The following ECEL1 variants were observed in gnomAD, a reference collection of about 807,000 sequenced individuals.
ECEL1 encodes endothelin-converting enzyme-like 1.
In ECEL1, 87 loss-of-function variants were observed where a neutral mutation model predicts 101.8. The ratio of observed to expected loss-of-function variants is 0.85; its 90% CI spans 0.72 to 1.02. The LOEUF (loss-of-function observed/expected upper bound fraction) is 1.02, where lower values mean the gene tolerates loss of function less well. Among genes scored for constraint, ECEL1 ranks in the 50% least tolerant of loss-of-function variants. ECEL1 has a pLI of 0.00. For synonymous variants in ECEL1, 487 were observed against 468.7 expected (o/e 1.04, Z -0.50); for missense variants, 1,032 against 1,079.2 (o/e 0.96, Z 0.61).
At chr2:232,487,421 C>G (rs1276371096) in intron 1 of ECEL1, among the ~76,000 whole-genome samples, 1 of 152,124 alleles carries the variant, frequency 6.6e-6, no homozygotes, top group Non-Finnish European at 1.5e-5. Context: ...CCACTCCCAC[C>G]ATCTCTGTCC....
At position 232,486,339 on chromosome 2, in the gene ECEL1, G is replaced by C. The variant is rs1690726917; in HGVS notation, c.315C>G (p.Phe105Leu). ...CGGCCAGGAAGCGAGCGGCGCGCGC[G>C]AAGGCCTTGCGCTCAGGGCAGCCCT... ...CPEGCPERKA[F>L]ARAARFLAAN... Residue 105 changes from phenylalanine to leucine, a missense_variant, in exon 2 of 18, where the codon TTC (phenylalanine) becomes TTG (leucine). Transcript: ENST00000304546. 2 of 1,556,506 alleles carry C rather than the reference G, an allele frequency of 1.3e-6. No individual in the cohort carries two copies. The highest frequency in any genetic ancestry group is 1.7e-6 in the Non-Finnish European group (2 of 1,159,636).
rs772857020 is a variant in ECEL1 at position 232,482,438 on chromosome 2, C to T, written c.1776G>A (p.Leu592=). The change falls in exon 12 of 18, where the codon CTG becomes CTA. Residue 592 remains leucine, a synonymous_variant. Coordinates refer to ENST00000304546, the MANE Select transcript of ECEL1 (RefSeq NM_004826.4). The part of the protein sequence containing the change: ...VFPAGILQPT[L]YDPDFPQSLN... ...CTCACTGTGGGAAGTCAGGGTCGTA[C>T]AGGGTGGGCTGCAGGATGCCCGCGG... 9.9e-6 allele frequency: 16 copies of T among 1,613,866 alleles called. No individual in the cohort carries two copies. In the East Asian group the frequency reaches 3.1e-4, roughly 31 times the overall value.
Position 232,480,383 on chromosome 2 carries a change from G to A in ECEL1, c.2228+16C>T, listed in dbSNP as rs375638841. On this transcript the variant is annotated intron_variant, in intron 17 of 17. Transcript: ENST00000304546. ...ACACAAGGAGTGGACAAGGCCAGGCGGGCAGGTGGGCATACCTGTAGTGCT... is the reference window on the plus strand; with the variant it reads ...ACACAAGGAGTGGACAAGGCCAGGCAGGCAGGTGGGCATACCTGTAGTGCT... 2.8e-4 allele frequency: 449 copies of A among 1,613,534 alleles called. No homozygotes were observed. The highest frequency in any genetic ancestry group is 3.5e-4 in the Non-Finnish European group (411 of 1,179,598).
intron 2 of ECEL1, 152 bp from the exon 3 acceptor site, chr2:232,485,419 C>T (rs988961198): frequency 5.5e-6 from 5 of 906,084 alleles, no homozygotes; most frequent in East Asian, 2.6e-5. Context: ...TCCACCCAGA[C>T]GAGATGGCCA....
intron 15 of ECEL1, 28 bp from the exon 16 acceptor site, chr2:232,480,841 T>C: frequency 6.3e-7 from 1 of 1,595,864 alleles, no homozygotes; most frequent in African/African-American, 1.3e-5. Context: ...ATGGACCTGC[T>C]ATGCCCGCCC....
chr2:232,485,856 G>A lies in ECEL1; in HGVS notation c.786+12C>T, dbSNP rs1207785154. The A allele has an allele frequency of 5.2e-6, 8 of 1,545,248 alleles. No homozygotes were observed. Among genetic ancestry groups the A allele is most frequent in the Admixed American group, 1.9e-5 (1 of 51,642 alleles). On this transcript the variant is annotated intron_variant, in intron 2 of 17. Transcript: ENST00000304546. ...CGCGGCCGCTGGCAGGGCGCTCAGG[G>A]GGCGCACTCACGCGGATGACGTAGC...
intron 9 of ECEL1, 24 bp from the exon 10 acceptor site, chr2:232,482,978 C>A: frequency 1.2e-6 from 2 of 1,613,878 alleles, no homozygotes; most frequent in Non-Finnish European, 1.7e-6. Context: ...GGGCGACACT[C>A]AGCGGCAGGC....
At chr2:232,480,973 C>A in intron 15 of ECEL1, 118 bp downstream of exon 15, 1 of 1,410,744 alleles carries the variant, frequency 7.1e-7, no homozygotes, top group South Asian at 1.3e-5. Context: ...TGCCCTGCCC[C>A]ACCCCAGGCC....
intron 13 of ECEL1, 57 bp downstream of exon 13, chr2:232,481,725 C>T (rs1353728561): frequency 2.1e-5 from 34 of 1,602,158 alleles, no homozygotes; most frequent in Non-Finnish European, 2.8e-5. Context: ...TACCCTGCCT[C>T]TCCACTGCCT....
chr2:232,483,351 T>G, intron 8 of ECEL1, 65 bp downstream of exon 8: 1 of 1,565,440 alleles, frequency 6.4e-7, no homozygotes, highest in Non-Finnish European at 8.7e-7. Context: ...TTGTTCTCTT[T>G]CGCTGGTACA....
Position 232,484,971 on chromosome 2 carries a change from G to A in ECEL1, c.966+10C>T. ...AAGCCCAGGGCAGCCTCCAGTCCTG[G>A]TCTGCTCACGTTGGCCAGCTGCTGC... On this transcript the variant is annotated intron_variant, in intron 4 of 17. Coordinates refer to ENST00000304546, the MANE Select transcript of ECEL1 (RefSeq NM_004826.4). The A allele has an allele frequency of 6.2e-7, 1 of 1,612,976 alleles. No homozygotes were observed.
intron 13 of ECEL1, 71 bp downstream of exon 13, chr2:232,481,710 TC>T: frequency 9.3e-7 from 1 of 1,076,850 alleles, no homozygotes; most frequent in Non-Finnish European, 1.3e-6. Flanking sequence ...AGTTAGGCCA[TC>T]CCCTACCCTG....
rs747305197 is a variant in ECEL1, at chr2:232,486,011, C to T, written c.643G>A (p.Gly215Ser). Residue 215 changes from glycine (G) to serine (S), a missense_variant, in exon 2 of 18, where the codon GGC (glycine) becomes AGC (serine). Physicochemically the swap from Gly to Ser is moderately conservative, Grantham distance 56. Coordinates refer to ENST00000304546, the MANE Select transcript of ECEL1 (RefSeq NM_004826.4). ...IEDCGGWDLG[G>S]AEERPGVAAR... ...GCGACCCCCGGACGCTCCTCCGCGCCGCCCAGGTCCCAGCCCCCGCAGTCC... is the reference window on the plus strand; with the variant it reads ...GCGACCCCCGGACGCTCCTCCGCGCTGCCCAGGTCCCAGCCCCCGCAGTCC... The T allele has an allele frequency of 4.4e-6, 7 of 1,608,116 alleles. No homozygotes were observed. The highest frequency in any genetic ancestry group is 1.3e-5 in the African/African-American group (1 of 74,852).
In ECEL1 at chr2:232,481,953, C is replaced by T. The variant is rs1575075749; in HGVS notation, c.1797-104G>A. 8.1e-6 allele frequency: 12 copies of T among 1,489,504 alleles called. No homozygotes were observed. In the East Asian group the frequency reaches 2.9e-4, roughly 36 times the overall value. 92.3% of individuals were successfully genotyped at this position (1,489,504 alleles called of 1,614,324 possible). ...CCCCTGGCCGGGCCAGGAGGTGGCA[C>T]AGGGAGGCCACAGAGGCATCCGTGC... On this transcript the variant is annotated intron_variant, in intron 12 of 17. Transcript: ENST00000304546.
At position 232,484,473 on chromosome 2, in the gene ECEL1, G is replaced by A. The variant is rs1435057086; in HGVS notation, c.1183C>T (p.Arg395Trp). ...AAAATGCCAGATCTGCAGCCATACC[G>A]GTGGGGTGTGGAGCGGATGAGCTGC... ...VSQLIRSTPH[R>W]VLHNYLVWRV... is the part of the protein sequence containing the mutation. The change falls in exon 6 of 18, where the codon CGG becomes TGG. Residue 395 changes from arginine (R) to tryptophan (W), a missense_variant and splice_region_variant. Coordinates refer to ENST00000304546, the MANE Select transcript of ECEL1 (RefSeq NM_004826.4). The A allele has an allele frequency of 1.3e-5, 21 of 1,613,500 alleles. 1 individual carries two copies. Among genetic ancestry groups the A allele is most frequent in the South Asian group, 8.8e-5 (8 of 91,088 alleles).
In ECEL1 at chr2:232,485,080, T is replaced by C; in HGVS notation, c.867A>G (p.Ala289=). 6.2e-7 allele frequency: 1 copy of C among 1,611,902 alleles called. No individual in the cohort carries two copies. Among genetic ancestry groups the C allele is most frequent in the Non-Finnish European group, 8.5e-7 (1 of 1,180,008 alleles). The change falls in exon 4 of 18, where the codon GCA becomes GCG. Residue 289 remains alanine (A), a synonymous_variant. Transcript: ENST00000304546. ...GCACTCGCTCCATGAACACCCTGTATGCTGCCAGGATCTGCACCAGGGGAG... is the reference window on the plus strand; with the variant it reads ...GCACTCGCTCCATGAACACCCTGTACGCTGCCAGGATCTGCACCAGGGGAG... ...QDEDSEKILA[A]YRVFMERVLS...
At chr2:232,487,344 G>C (rs1690756200) in intron 1 of ECEL1, among the ~76,000 whole-genome samples, 1 of 152,230 alleles carries the variant, frequency 6.6e-6, no homozygotes, top group Middle Eastern at 3.4e-3. Flanking sequence ...CAACGCCCCA[G>C]GGTGGCGGAC....
intron 13 of ECEL1, 76 bp from the exon 14 acceptor site, chr2:232,481,706 G>A (rs1226717167): frequency 1.3e-6 from 2 of 1,593,942 alleles, no homozygotes; most frequent in Non-Finnish European, 1.7e-6. Flanking sequence ...CCCCAGTTAG[G>A]CCATCCCCTA....
intron 12 of ECEL1, 42 bp from the exon 13 acceptor site, chr2:232,481,891 T>C (rs763580403): frequency 6.2e-5 from 100 of 1,611,226 alleles, no homozygotes; most frequent in Non-Finnish European, 8.3e-5. Flanking sequence ...CCCTCCACCC[T>C]CTGAGAGCCC....
Sources: allele counts gnomAD v4.1 joint callset (sites outside exome capture counted in the v4.1 genomes callset), GRCh38; gene constraint gnomAD v4.1.1; transcripts MANE v1.5; gene names NCBI Gene and HGNC (gene_info 2026-07-23, HGNC 2026-07-21).